Variants in SPACA1 observed in about 807,000 individuals in gnomAD.
SPACA1 encodes sperm acrosome membrane-associated protein 1.
In SPACA1, 17 loss-of-function variants were observed where a neutral mutation model predicts 32.6. That is an observed-to-expected ratio of 0.52 (90% CI 0.36 to 0.78). The LOEUF (loss-of-function observed/expected upper bound fraction) is 0.78, where lower values mean the gene tolerates loss of function less well. Among genes scored for constraint, SPACA1 ranks in the 30% least tolerant of loss-of-function variants. The pLI, the probability that SPACA1 is intolerant of heterozygous loss-of-function variation, is 0.01. For synonymous variants in SPACA1, 140 were observed against 138.1 expected, an observed-to-expected ratio of 1.01 and a Z score of -0.10; for missense variants, 363 against 373.4, an observed-to-expected ratio of 0.97 and a Z score of 0.23.
Position 88,048,073 on chromosome 6 carries a change from C to T in SPACA1, c.168C>T (p.Ser56=), listed in dbSNP as rs754144472. 6.2e-7 allele frequency: 1 copy of T among 1,602,372 alleles called. No homozygotes were observed. The highest frequency in any genetic ancestry group is 8.5e-7 in the Non-Finnish European group (1 of 1,175,902). The change falls in exon 1 of 7, where the codon AGC becomes AGT. Residue 56 remains serine (S), a synonymous_variant. Transcript: ENST00000237201. ...AGGAGGAGACCGAAAACAACGACAG[C>T]GAGACCGCGGAGAACTACGCTCCGC... ...EGEEETENND[S]ETAENYAPPE...
intron 1 of SPACA1, among the ~76,000 whole-genome samples, chr6:88,053,134 T>C (rs1775755857): frequency 6.6e-6 from 1 of 152,250 alleles, no homozygotes; most frequent in African/African-American, 2.4e-5. Flanking sequence ...TTAAATTTGC[T>C]TAAATGCAAA....
chr6:88,050,133 C>T (rs1196209310), intron 1 of SPACA1, among the ~76,000 whole-genome samples: 1 of 152,090 alleles, frequency 6.6e-6, no homozygotes, highest in Non-Finnish European at 1.5e-5. Flanking sequence ...TGTTCATTTA[C>T]AAACCTTGGC....
At chr6:88,048,958 T>C (rs940175715) in intron 1 of SPACA1, among the ~76,000 whole-genome samples, 1 of 152,206 alleles carries the variant, frequency 6.6e-6, no homozygotes, top group Non-Finnish European at 1.5e-5. Context: ...TTAATATTGT[T>C]TGCATTCTCA....
intron 3 of SPACA1, among the ~76,000 whole-genome samples, chr6:88,058,328 A>C (rs1274394084): frequency 6.6e-6 from 1 of 152,158 alleles, no homozygotes; most frequent in Non-Finnish European, 1.5e-5. Flanking sequence ...TCCAGCATAT[A>C]GTTGATTTTT....
intron 4 of SPACA1, 84 bp from the exon 5 acceptor site, chr6:88,059,369 C>T: frequency 1.6e-6 from 2 of 1,228,954 alleles, no homozygotes; most frequent in East Asian, 2.7e-5. Flanking sequence ...CAGTAACCCT[C>T]CTTTCCTTAA....
At chr6:88,048,398 G>A (rs936417379) in intron 1 of SPACA1, among the ~76,000 whole-genome samples, 1 of 152,048 alleles carries the variant, frequency 6.6e-6, no homozygotes, top group African/African-American at 2.4e-5. Flanking sequence ...TTTTCAGGGT[G>A]GGAGGTAGCC....
At chr6:88,054,106 C>A in intron 2 of SPACA1, 104 bp downstream of exon 2, 1 of 894,176 alleles carries the variant, frequency 1.1e-6, no homozygotes, top group Non-Finnish European at 1.8e-6. Context: ...TTTCATGCAT[C>A]TCTCATGGAT....
chr6:88,059,708 A>C, intron 5 of SPACA1, 120 bp downstream of exon 5: 1 of 1,026,488 alleles, frequency 9.7e-7, no homozygotes, highest in East Asian at 2.9e-5. Context: ...CTGATTCAGT[A>C]GATTTGGGAT....
Position 88,062,600 on chromosome 6 carries a change from GA to G in SPACA1, c.611-1498del, listed in dbSNP as rs375698860. Among the ~76,000 whole-genome samples the G allele has an allele frequency of 3.3e-3, 506 of 152,216 alleles. 2 individuals carry two copies. Among genetic ancestry groups the G allele is most frequent in the African/African-American group, 0.011 (474 of 41,536 alleles). On this transcript the variant is annotated intron_variant, in intron 5 of 6. Transcript: ENST00000237201. ...TACGGTAGATTGGCTTTGTCTCTTT[GA>G]TAACCTTATTTGCTGAAAGAGCAGA...
intron 1 of SPACA1, among the ~76,000 whole-genome samples, chr6:88,052,345 T>A (rs1775739847): frequency 6.6e-6 from 1 of 152,238 alleles, no homozygotes; most frequent in South Asian, 2.1e-4. Context: ...GCAGCACTCA[T>A]TCTCTTAGCC....
chr6:88,055,040 T>C (rs1041149029), intron 2 of SPACA1, among the ~76,000 whole-genome samples: 8 of 151,920 alleles, frequency 5.3e-5, no homozygotes, highest in Admixed American at 2.6e-4. Flanking sequence ...TGTTTTAACC[T>C]GTTTTTTTTT....
intron 1 of SPACA1, among the ~76,000 whole-genome samples, chr6:88,053,109 C>G (rs1775755394): frequency 1.3e-5 from 2 of 152,160 alleles, no homozygotes; most frequent in Non-Finnish European, 2.9e-5. Context: ...GTTAACTAAG[C>G]CTGACAGCAT....
At chr6:88,062,040 T>G (rs953780437) in intron 5 of SPACA1, among the ~76,000 whole-genome samples, 2 of 152,208 alleles carry the variant, frequency 1.3e-5, no homozygotes, top group Non-Finnish European at 2.9e-5. Flanking sequence ...TGTTTTTTAT[T>G]TAAGTTTCCA....
At chr6:88,064,523 A>C (rs1183863790) in intron 6 of SPACA1, 1 of 167,198 alleles carries the variant, frequency 6.0e-6, no homozygotes, top group Non-Finnish European at 1.3e-5. Flanking sequence ...TGTGTTGTCC[A>C]GTTGTGGTTC....
At chr6:88,053,886 T>C (rs1443727735) in intron 1 of SPACA1, 60 bp from the exon 2 acceptor site, 2 of 1,378,262 alleles carry the variant, frequency 1.5e-6, no homozygotes, top group African/African-American at 2.9e-5. Flanking sequence ...AAGTAAGAGG[T>C]GTTTCACTTA....
chr6:88,056,041 G>T (rs961825507), intron 2 of SPACA1, among the ~76,000 whole-genome samples: 1 of 151,602 alleles, frequency 6.6e-6, no homozygotes, highest in South Asian at 2.1e-4. Flanking sequence ...TAATTACTTC[G>T]GAATTAAGGC....
intron 1 of SPACA1, among the ~76,000 whole-genome samples, chr6:88,052,026 T>G (rs899252418): frequency 2.0e-5 from 3 of 152,094 alleles, no homozygotes; most frequent in Non-Finnish European, 4.4e-5. Context: ...GACCATATAT[T>G]TTTTTTACCA....
At chr6:88,053,142 A>C (rs913053392) in intron 1 of SPACA1, among the ~76,000 whole-genome samples, 6 of 152,252 alleles carry the variant, frequency 3.9e-5, no homozygotes, top group Non-Finnish European at 5.9e-5. Context: ...GCTTAAATGC[A>C]AACAGCTAAT....
At chr6:88,049,980 ATCT>A (rs1417479232) in intron 1 of SPACA1, among the ~76,000 whole-genome samples, 10 of 152,192 alleles carry the variant, frequency 6.6e-5, no homozygotes, top group African/African-American at 2.4e-4. Context: ...AGAGAAAGCC[ATCT>A]TCTTTTCTTC....
Sources: gnomAD v4.1 joint callset for allele counts (sites outside exome capture counted in the v4.1 genomes callset) on GRCh38, gnomAD v4.1.1 for gene constraint, MANE v1.5 for transcripts, NCBI Gene and HGNC (gene_info 2026-07-23, HGNC 2026-07-21) for gene names.